Variants in ZNF529 observed in about 807,000 individuals in gnomAD.
The protein encoded by ZNF529 is zinc finger protein 529.
ZNF529 carries 11 observed loss-of-function variants against 10.1 expected under a neutral mutation model. That is an observed-to-expected ratio of 1.09 (90% confidence interval 0.69 to 1.81). The LOEUF is 1.81. Among genes scored for constraint, ZNF529 ranks in the 40% most tolerant of loss-of-function variants. ZNF529 has a pLI of 0.00. For synonymous variants in ZNF529, 204 were observed against 215.7 expected, an observed-to-expected ratio of 0.95 and a Z score of 0.47; for missense variants, 624 against 666.8, an observed-to-expected ratio of 0.94 and a Z score of 0.71.
intron 2 of ZNF529, among the ~76,000 whole-genome samples, chr19:36,588,508 G>A (rs938217240): frequency 3.3e-5 from 5 of 152,100 alleles, no homozygotes; most frequent in African/African-American, 9.7e-5. Context: ...CACTTGGTCT[G>A]CCCTGTTCCC....
At chr19:36,557,579 C>T (rs1456270277) in intron 2 of ZNF529, among the ~76,000 whole-genome samples, 1 of 152,208 alleles carries the variant, frequency 6.6e-6, no homozygotes, top group East Asian at 1.9e-4. Flanking sequence ...TCAATTATCT[C>T]CACCTGGTCC....
At chr19:36,562,714 G>A (rs545768562) in intron 2 of ZNF529, among the ~76,000 whole-genome samples, 1 of 152,022 alleles carries the variant, frequency 6.6e-6, no homozygotes, top group Admixed American at 6.6e-5. Flanking sequence ...GCAGGTGCCT[G>A]TAGTCCCAGC....
intron 2 of ZNF529, among the ~76,000 whole-genome samples, chr19:36,556,751 C>T (rs1017388608): frequency 7.2e-5 from 11 of 152,170 alleles, no homozygotes; most frequent in South Asian, 2.1e-4. Flanking sequence ...GAGAGATGCA[C>T]GCCATTGTCC....
intron 2 of ZNF529, among the ~76,000 whole-genome samples, chr19:36,589,447 T>C (rs1419140868): frequency 6.6e-6 from 1 of 152,208 alleles, no homozygotes; most frequent in Non-Finnish European, 1.5e-5. Context: ...TGGGGGTCAT[T>C]GAAGTCTTTG....
intron 2 of ZNF529, among the ~76,000 whole-genome samples, chr19:36,584,207 T>C (rs1334776970): frequency 1.3e-5 from 2 of 152,044 alleles, no homozygotes; most frequent in African/African-American, 4.8e-5. Flanking sequence ...AATAATACCT[T>C]CAAACTGATA....
Position 36,544,516 on chromosome 19 carries a change from CA to C in ZNF529, c.*2349del, listed in dbSNP as rs1187368638. ...ACAAGTTCTCCTGGAGAACTATACC[CA>C]AAAGAGGAACATTAGCACTGATGGT... On this transcript the variant is annotated 3_prime_UTR_variant, in exon 5 of 5. Transcript: ENST00000591340. 6.6e-6 allele frequency: 1 copy of C among 151,912 alleles called. No individual in the cohort carries two copies. Among genetic ancestry groups the C allele is most frequent in the Non-Finnish European group, 1.5e-5 (1 of 67,988 alleles). 9.4% of individuals were successfully genotyped at this position (151,912 alleles called of 1,614,324 possible).
intron 2 of ZNF529, chr19:36,587,466 G>T (rs1011617033): frequency 7.2e-5 from 11 of 152,118 alleles, no homozygotes; most frequent in Admixed American, 5.2e-4. Flanking sequence ...TCCTGAAATG[G>T]TTAAACATAA....
chr19:36,577,127 A>G, upstream of ZNF529: 2 of 449,148 alleles, frequency 4.5e-6, no homozygotes, highest in South Asian at 1.6e-5. Context: ...TAATTTTTGT[A>G]TTTTGTATTT....
rs2036563975 is a variant in ZNF529, at chr19:36,585,648, CT to C, written c.-41+3966del. ...AACTGAAATAAAAGCTGGAAAATTG[CT>C]TTGTAAACCATAAGGCACTCTGCAT... On this transcript the variant is annotated intron_variant, in intron 2 of 4. Transcript: ENST00000585960. Among the ~76,000 whole-genome samples the C allele has an allele frequency of 3.3e-5, 5 of 152,186 alleles. 1 individual carries two copies. Among genetic ancestry groups the C allele is most frequent in the Admixed American group, 3.3e-4 (5 of 15,274 alleles).
At chr19:36,569,617 T>A (rs1308387194) in intron 2 of ZNF529, among the ~76,000 whole-genome samples, 1 of 150,720 alleles carries the variant, frequency 6.6e-6, no homozygotes, top group East Asian at 2.0e-4. Context: ...AAAAAAAAAA[T>A]TTAGCTGAGT....
In ZNF529 at chr19:36,546,781, C is replaced by T. The variant is rs2035038397; in HGVS notation, c.*85G>A. The T allele has an allele frequency of 1.4e-6, 2 of 1,415,940 alleles. No homozygotes were observed. The highest frequency in any genetic ancestry group is 1.9e-6 in the Non-Finnish European group (2 of 1,047,710). 87.7% of individuals were successfully genotyped at this position (1,415,940 alleles called of 1,614,324 possible). A position where few individuals can be genotyped will look rare whatever the true frequency, so the allele number is the denominator to read the frequency against. ...AAACAGACTTTAAGAGAGGGAGATA[C>T]TGAATTGCCTTGATTACCTATTAAA... On this transcript the variant is annotated 3_prime_UTR_variant, in exon 5 of 5. Transcript: ENST00000591340.
chr19:36,568,708 G>C (rs1242950876), intron 2 of ZNF529, among the ~76,000 whole-genome samples: 1 of 152,100 alleles, frequency 6.6e-6, no homozygotes, highest in Non-Finnish European at 1.5e-5. Flanking sequence ...CTAACCTCAA[G>C]TGATCTGCCT....
At chr19:36,568,474 CTT>C (rs565480524) in intron 2 of ZNF529, among the ~76,000 whole-genome samples, 29 of 131,126 alleles carry the variant, frequency 2.2e-4, no homozygotes, top group Admixed American at 6.1e-4. Flanking sequence ...GATTTTCTTT[CTT>C]TTTTTTTTTT....
intron 2 of ZNF529, among the ~76,000 whole-genome samples, chr19:36,558,037 C>T (rs956872082): frequency 2.6e-5 from 4 of 151,662 alleles, no homozygotes; most frequent in African/African-American, 9.7e-5. Context: ...AGTATAATAA[C>T]TGAAATGAAA....
At chr19:36,569,483 G>C (rs2036016630) in intron 2 of ZNF529, among the ~76,000 whole-genome samples, 1 of 152,036 alleles carries the variant, frequency 6.6e-6, no homozygotes, top group Non-Finnish European at 1.5e-5. Context: ...TTAAAAAACT[G>C]GCTGGGTGTG....
At chr19:36,601,851 A>G (rs1246628277) in intron 1 of ZNF529, among the ~76,000 whole-genome samples, 1 of 152,120 alleles carries the variant, frequency 6.6e-6, no homozygotes. Context: ...TAGATAGTAA[A>G]TATTTTAGGC....
At chr19:36,562,357 A>ATGAG (rs776256752) in intron 2 of ZNF529, among the ~76,000 whole-genome samples, 4 of 152,178 alleles carry the variant, frequency 2.6e-5, no homozygotes, top group Non-Finnish European at 5.9e-5. Context: ...TAATACCTAG[A>ATGAG]TGAGACTCTG....
At chr19:36,602,595 C>T (rs866366245) in intron 1 of ZNF529, among the ~76,000 whole-genome samples, 4 of 152,064 alleles carry the variant, frequency 2.6e-5, no homozygotes, top group African/African-American at 9.7e-5. Context: ...ATACCATACT[C>T]ACACAGTCTA....
At chr19:36,577,392 C>A (rs1383539075), upstream of ZNF529, 8 of 289,530 alleles carry the variant, frequency 2.8e-5, no homozygotes, top group Non-Finnish European at 4.8e-5. Context: ...CCCTTCTAGT[C>A]ATATCCCAGG....
Sources: gnomAD v4.1 joint callset for allele counts (sites outside exome capture counted in the v4.1 genomes callset) on GRCh38, gnomAD v4.1.1 for gene constraint, MANE v1.5 for transcripts, NCBI Gene and HGNC (gene_info 2026-07-23, HGNC 2026-07-21) for gene names.